Variants in DACH2 observed in about 807,000 individuals in gnomAD.
The protein encoded by DACH2 is dachshund homolog 2.
DACH2 carries 17 observed loss-of-function variants against 35.8 expected under a neutral mutation model. The ratio of observed to expected loss-of-function variants is 0.48; its 90% confidence interval spans 0.33 to 0.71. DACH2 has a LOEUF of 0.71. Ranked by LOEUF, DACH2 falls within the 30% of genes least tolerant of loss-of-function variation. The pLI is 0.02. For synonymous variants in DACH2, 195 were observed against 177.3 expected (o/e 1.10, Z -0.79); for missense variants, 469 against 472.7 (o/e 0.99, Z 0.07).
At chrX:86,441,479 C>CTG (rs61396163) in intron 2 of DACH2, among the ~76,000 whole-genome samples, 4,354 of 95,382 alleles carry the variant, frequency 0.046, 101 homozygotes, top group East Asian at 0.17. Flanking sequence ...AAGTATTCCA[C>CTG]TGTGTGTGTG....
intron 1 of DACH2, among the ~76,000 whole-genome samples, chrX:86,170,704 G>T (rs192164323): frequency 5.8e-4 from 65 of 112,409 alleles, no homozygotes; most frequent in South Asian, 1.5e-3. Flanking sequence ...TCAGCTTGTC[G>T]TTGTTAACCC....
At chrX:86,291,052 A>G (rs1474713925) in intron 1 of DACH2, among the ~76,000 whole-genome samples, 110 of 102,484 alleles carry the variant, frequency 1.1e-3, no homozygotes, top group African/African-American at 3.3e-3. Flanking sequence ...CTTCCTACCC[A>G]TGAGCATGGA....
intron 1 of DACH2, among the ~76,000 whole-genome samples, chrX:86,189,674 T>TA (rs1199265890): frequency 1.8e-4 from 20 of 111,581 alleles, no homozygotes; most frequent in African/African-American, 5.9e-4. Flanking sequence ...AAATTGACTG[T>TA]AAAAATATTA....
At chrX:86,299,497 T>A (rs1292116646) in intron 1 of DACH2, among the ~76,000 whole-genome samples, 1 of 111,963 alleles carries the variant, frequency 8.9e-6, no homozygotes, top group East Asian at 2.8e-4. Flanking sequence ...AGCTATTGAA[T>A]TTCTTTTTGC....
chrX:86,488,146 T>C (rs1254953314), intron 2 of DACH2, among the ~76,000 whole-genome samples: 1 of 111,964 alleles, frequency 8.9e-6, no homozygotes, highest in Non-Finnish European at 1.9e-5. Flanking sequence ...GATAATTTTA[T>C]ATATGCATCA....
chrX:86,298,193 G>A (rs2034506402), intron 1 of DACH2, among the ~76,000 whole-genome samples: 1 of 111,811 alleles, frequency 8.9e-6, no homozygotes, highest in Admixed American at 9.5e-5. Flanking sequence ...ATTAGATGGA[G>A]ATGGCTGGTA....
chrX:86,217,026 G>A (rs1464639141), intron 1 of DACH2, among the ~76,000 whole-genome samples: 2 of 109,002 alleles, frequency 1.8e-5, no homozygotes, highest in South Asian at 4.0e-4. Flanking sequence ...GGAAGGCGGA[G>A]GTTGCAGGAA....
intron 1 of DACH2, among the ~76,000 whole-genome samples, chrX:86,284,782 T>G (rs985118491): frequency 9.0e-6 from 1 of 111,356 alleles, no homozygotes; most frequent in African/African-American, 3.3e-5. Context: ...TTCTTCCATC[T>G]TGTTACTTTG....
At chrX:86,380,831 G>A (rs778667464) in intron 2 of DACH2, among the ~76,000 whole-genome samples, 16 of 109,420 alleles carry the variant, frequency 1.5e-4, no homozygotes, top group Non-Finnish European at 2.5e-4. Context: ...TTAATTTTTT[G>A]TTTTAAGATG....
intron 1 of DACH2, among the ~76,000 whole-genome samples, chrX:86,361,905 G>T (rs1303354684): frequency 9.0e-6 from 1 of 110,762 alleles, no homozygotes; most frequent in Non-Finnish European, 1.9e-5. Flanking sequence ...ATATATTGGA[G>T]ACCTCCAAAC....
At chrX:86,344,526 G>C (rs1321870098) in intron 1 of DACH2, among the ~76,000 whole-genome samples, 1 of 110,274 alleles carries the variant, frequency 9.1e-6, no homozygotes, top group African/African-American at 3.3e-5. Flanking sequence ...TCTGAAATGT[G>C]TTTTAGAGAA....
chrX:86,753,700 C>T (rs2041797986), intron 7 of DACH2, among the ~76,000 whole-genome samples: 1 of 110,877 alleles, frequency 9.0e-6, no homozygotes, highest in Non-Finnish European at 1.9e-5. Flanking sequence ...TATTCCTGTC[C>T]CCAAGGAGCT....
intron 2 of DACH2, among the ~76,000 whole-genome samples, chrX:86,440,147 T>A (rs1392863887): frequency 1.8e-5 from 2 of 111,486 alleles, no homozygotes; most frequent in Non-Finnish European, 3.8e-5. Context: ...TGATTGATGG[T>A]TTCACTGAAT....
intron 2 of DACH2, among the ~76,000 whole-genome samples, chrX:86,426,050 A>G (rs2036888599): frequency 9.0e-6 from 1 of 111,661 alleles, no homozygotes; most frequent in Non-Finnish European, 1.9e-5. Flanking sequence ...ATATTGGAAC[A>G]ATTATGTAAA....
intron 1 of DACH2, among the ~76,000 whole-genome samples, chrX:86,369,085 G>A (rs1363500827): frequency 3.6e-5 from 4 of 110,310 alleles, no homozygotes; most frequent in Non-Finnish European, 1.9e-5. Flanking sequence ...TATTCTATTA[G>A]GCAATGAAGA....
intron 1 of DACH2, among the ~76,000 whole-genome samples, chrX:86,165,192 G>A (rs2030900550): frequency 9.1e-6 from 1 of 110,439 alleles, no homozygotes; most frequent in Non-Finnish European, 1.9e-5. Flanking sequence ...TTCTTTTTGG[G>A]GCAATTGTGT....
chrX:86,359,712 A>G (rs1287328112), intron 1 of DACH2, among the ~76,000 whole-genome samples: 1 of 110,869 alleles, frequency 9.0e-6, no homozygotes, highest in Non-Finnish European at 1.9e-5. Flanking sequence ...TTGTGCCACT[A>G]TACTCCAGCC....
chrX:86,260,106 C>CT (rs1413435260), intron 1 of DACH2, among the ~76,000 whole-genome samples: 4 of 110,703 alleles, frequency 3.6e-5, no homozygotes, highest in Non-Finnish European at 5.7e-5. Context: ...TGTCTATACT[C>CT]TTTTTTTGCA....
chrX:86,697,032 T>G (rs1319256126), intron 5 of DACH2, among the ~76,000 whole-genome samples: 1 of 111,242 alleles, frequency 9.0e-6, no homozygotes, highest in Non-Finnish European at 1.9e-5. Flanking sequence ...CCTCTAACTT[T>G]TATGTGAGGG....
Sources: allele counts gnomAD v4.1 joint callset (sites outside exome capture counted in the v4.1 genomes callset), GRCh38; gene constraint gnomAD v4.1.1; transcripts MANE v1.5; gene names NCBI Gene and HGNC (gene_info 2026-07-23, HGNC 2026-07-21).